Variants in AFDN observed in about 807,000 individuals in gnomAD.
AFDN encodes the protein afadin, adherens junction formation factor.
In AFDN, 68 loss-of-function variants were observed where a neutral mutation model predicts 216.6. The ratio of observed to expected loss-of-function variants is 0.31; its 90% confidence interval spans 0.26 to 0.38. The LOEUF is 0.38. Among genes scored for constraint, AFDN ranks in the 10% least tolerant of loss-of-function variants. The pLI is 1.00. For missense variants in AFDN, 2,136 were observed against 2,342.0 expected, an observed-to-expected ratio of 0.91 and a Z score of 1.82; for synonymous variants, 868 against 853.7, an observed-to-expected ratio of 1.02 and a Z score of -0.29.
intron 12 of AFDN, among the ~76,000 whole-genome samples, chr6:167,904,972 C>T (rs1307572090): frequency 1.3e-5 from 2 of 152,206 alleles, no homozygotes; most frequent in South Asian, 2.1e-4. Flanking sequence ...TTCCTCTCAG[C>T]GTGTCTCTGT....
At chr6:167,910,872 C>T (rs1044422657) in intron 13 of AFDN, among the ~76,000 whole-genome samples, 1 of 152,106 alleles carries the variant, frequency 6.6e-6, no homozygotes, top group Non-Finnish European at 1.5e-5. Context: ...GCTGTCATGG[C>T]GGCGGCATAT....
intron 23 of AFDN, among the ~76,000 whole-genome samples, chr6:167,937,676 G>C (rs1416222567): frequency 6.6e-6 from 1 of 152,236 alleles, no homozygotes; most frequent in East Asian, 1.9e-4. Context: ...TAAGAAAATA[G>C]AATGTGTCTT....
At chr6:167,924,403 G>C (rs569681163) in intron 22 of AFDN, among the ~76,000 whole-genome samples, 6 of 152,072 alleles carry the variant, frequency 3.9e-5, no homozygotes, top group Non-Finnish European at 7.4e-5. Context: ...CTTGCCTTAC[G>C]GTCTGTCAGT....
At chr6:167,835,008 G>A (rs904772574) in intron 1 of AFDN, among the ~76,000 whole-genome samples, 5 of 152,072 alleles carry the variant, frequency 3.3e-5, no homozygotes, top group African/African-American at 1.2e-4. Context: ...ACATTTGTCT[G>A]CCTTGCACTT....
At chr6:167,878,064 T>C (rs370741406) in intron 5 of AFDN, among the ~76,000 whole-genome samples, 2 of 152,194 alleles carry the variant, frequency 1.3e-5, no homozygotes, top group African/African-American at 4.8e-5. Context: ...CTACCATTTA[T>C]TGTTATGGTT....
At chr6:167,906,882 G>A (rs1789759771) in intron 12 of AFDN, among the ~76,000 whole-genome samples, 1 of 152,194 alleles carries the variant, frequency 6.6e-6, no homozygotes, top group Admixed American at 6.5e-5. Context: ...TGTACTTTCA[G>A]AAAAATCATC....
chr6:167,872,086 G>T lies in AFDN; in HGVS notation c.415-128G>T. 4.7e-6 allele frequency: 4 copies of T among 847,172 alleles called. No homozygotes were observed. The South Asian group carries it at 5.3e-5, about 11-fold the overall frequency. 52.5% of individuals were successfully genotyped at this position (847,172 alleles called of 1,614,324 possible). ...GATAAAGACCATTCTCATTACTCCAGACCTTCCTGTGTTTCAGTAGCTTTG... is the reference window on the plus strand; with the variant it reads ...GATAAAGACCATTCTCATTACTCCATACCTTCCTGTGTTTCAGTAGCTTTG... On this transcript the variant is annotated intron_variant, in intron 3 of 33. Coordinates refer to ENST00000683244, the MANE Select transcript of AFDN (RefSeq NM_001386888.1).
In AFDN at chr6:167,913,389, C is replaced by A; in HGVS notation, c.2038-14C>A. 2 of 1,535,864 alleles carry A rather than the reference C, an allele frequency of 1.3e-6. No homozygotes were observed. The highest frequency in any genetic ancestry group is 8.7e-7 in the Non-Finnish European group (1 of 1,146,746). ...CTCGTTCTGCTTGATTTCCCCTCGT[C>A]TGTTTTTCTCCAGGAAGTAGACCAG... On this transcript the variant is annotated splice_polypyrimidine_tract_variant and intron_variant, in intron 15 of 33. Coordinates refer to ENST00000683244, the MANE Select transcript of AFDN (RefSeq NM_001386888.1).
chr6:167,964,042 C>G, intron 31 of AFDN: 1 of 1,064,434 alleles, frequency 9.4e-7, no homozygotes, highest in Non-Finnish European at 1.1e-6. Context: ...GCACAGTGCA[C>G]ATGCAGAGAG....
intron 1 of AFDN, among the ~76,000 whole-genome samples, chr6:167,833,274 TC>T (rs1457806661): frequency 6.6e-6 from 1 of 152,214 alleles, no homozygotes; most frequent in Admixed American, 6.5e-5. Flanking sequence ...ATAGGTTGTT[TC>T]CAAATTAGGA....
intron 1 of AFDN, among the ~76,000 whole-genome samples, chr6:167,861,196 A>G (rs533933772): frequency 3.9e-5 from 6 of 152,338 alleles, no homozygotes; most frequent in African/African-American, 1.4e-4. Flanking sequence ...ATTATTCACA[A>G]CAGCCAAACA....
chr6:167,900,648 G>A (rs1024158099), intron 11 of AFDN, among the ~76,000 whole-genome samples: 20 of 152,158 alleles, frequency 1.3e-4, no homozygotes, highest in African/African-American at 4.6e-4. Flanking sequence ...TGTTGTTCTA[G>A]GATGATAATT....
At chr6:167,964,467 G>C in intron 31 of AFDN, 1 of 1,065,522 alleles carries the variant, frequency 9.4e-7, no homozygotes, top group Non-Finnish European at 1.1e-6. Flanking sequence ...GTGTAGACAA[G>C]AAGATGAGAG....
intron 30 of AFDN, among the ~76,000 whole-genome samples, chr6:167,957,786 G>A (rs1396680480): frequency 6.6e-5 from 10 of 151,772 alleles, no homozygotes; most frequent in African/African-American, 1.9e-4. Flanking sequence ...CTGCAGCCTC[G>A]AGAAGTAGCT....
chr6:167,846,876 G>A (rs945896375), intron 1 of AFDN, among the ~76,000 whole-genome samples: 3 of 151,662 alleles, frequency 2.0e-5, no homozygotes, highest in South Asian at 2.1e-4. Flanking sequence ...AATATAATTC[G>A]TCAACTGAAT....
rs192370656 is a variant in AFDN at position 167,960,891 on chromosome 6, T to C, written c.4834-1542T>C. Among the ~76,000 whole-genome samples, 169 of 152,356 alleles carry C rather than the reference T, an allele frequency of 1.1e-3. No individual in the cohort carries two copies. The Middle Eastern group carries it at 0.024, about 21-fold the overall frequency. ...CTCTTGGGGTATGGATAGGTTGTCC[T>C]AAAGAGACAGTTCAATTATTTGTCT... On this transcript the variant is annotated intron_variant, in intron 30 of 33. Transcript: ENST00000683244.
rs751202236 is a variant in AFDN at position 167,965,753 on chromosome 6, G to A, written c.4969-4G>A. 7.1e-5 allele frequency: 109 copies of A among 1,529,980 alleles called. No homozygotes were observed. Among genetic ancestry groups the A allele is most frequent in the South Asian group, 2.6e-4 (20 of 75,836 alleles). The allele number at this position is 1,529,980 out of a possible 1,614,324, so 94.8% of individuals were successfully genotyped here. On this transcript the variant is annotated splice_polypyrimidine_tract_variant and splice_region_variant and intron_variant, in intron 31 of 33. Coordinates refer to ENST00000683244, the MANE Select transcript of AFDN (RefSeq NM_001386888.1). ...TTTGCACTCTTGTCTATTCCCGCCC[G>A]CAGAGGCGACAGGAAGAAGGGTATT...
chr6:167,935,923 T>C (rs1793941130), intron 23 of AFDN, among the ~76,000 whole-genome samples: 1 of 152,222 alleles, frequency 6.6e-6, no homozygotes. Context: ...AAACATACTA[T>C]GAAAATCTAC....
At chr6:167,905,073 C>G (rs960453265) in intron 12 of AFDN, among the ~76,000 whole-genome samples, 1 of 152,132 alleles carries the variant, frequency 6.6e-6, no homozygotes, top group African/African-American at 2.4e-5. Context: ...AGTGTTTGTG[C>G]TTTTGTCTTT....
Sources: allele counts gnomAD v4.1 joint callset (sites outside exome capture counted in the v4.1 genomes callset), GRCh38; gene constraint gnomAD v4.1.1; transcripts MANE v1.5; gene names NCBI Gene and HGNC (gene_info 2026-07-23, HGNC 2026-07-21).